SUMF1: variants seen among roughly 807,000 people sequenced by gnomAD.
The protein encoded by SUMF1 is sulfatase modifying factor 1, also known as formylglycine-generating enzyme.
In SUMF1, 48 loss-of-function variants were observed where a neutral mutation model predicts 47.6. The ratio of observed to expected loss-of-function variants is 1.01; its 90% CI spans 0.80 to 1.28. The LOEUF (loss-of-function observed/expected upper bound fraction) is 1.28, where lower values mean the gene tolerates loss of function less well. Among genes scored for constraint, SUMF1 ranks in the 50% most tolerant of loss-of-function variants. The probability of loss-of-function intolerance (pLI) is 0.00; values close to 1 mark genes in which losing one functional copy is unlikely to be tolerated. For missense variants in SUMF1, 571 were observed against 485.4 expected, an observed-to-expected ratio of 1.18 and a Z score of -1.66; for synonymous variants, 230 against 192.1, an observed-to-expected ratio of 1.20 and a Z score of -1.63.
At chr3:4,055,309 A>C (rs1032718355) in intron 9 of SUMF1, among the ~76,000 whole-genome samples, 1 of 152,170 alleles carries the variant, frequency 6.6e-6, no homozygotes, top group Admixed American at 6.6e-5. Context: ...AGTGTTTACT[A>C]TATCTCAGAT....
intron 8 of SUMF1, among the ~76,000 whole-genome samples, chr3:4,271,123 C>G (rs182454597): frequency 6.6e-6 from 1 of 152,144 alleles, no homozygotes; most frequent in South Asian, 2.1e-4. Context: ...TCAGTCTGAT[C>G]GATTGTGCTA....
At chr3:4,456,717 CATATATATACGTGTGTATATAT>C (rs1199850388) in intron 1 of SUMF1, among the ~76,000 whole-genome samples, 1 of 87,936 alleles carries the variant, frequency 1.1e-5, no homozygotes, top group Non-Finnish European at 2.2e-5. Context: ...TATATATATA[CATATATATACGTGTGTATATAT>C]ACACACATAT....
intron 9 of SUMF1, among the ~76,000 whole-genome samples, chr3:4,058,623 T>C (rs1039595589): frequency 6.6e-6 from 1 of 152,112 alleles, no homozygotes; most frequent in Non-Finnish European, 1.5e-5. Context: ...AGTAATCATA[T>C]AGGAGATGAG....
Position 4,325,555 on chromosome 3 carries a change from CTG to C in SUMF1, c.1014+50773_1014+50774del, listed in dbSNP as rs754376405. 5.3e-4 allele frequency among the ~76,000 whole-genome samples: 74 copies of C among 140,278 alleles called. No homozygotes were observed. In the Middle Eastern group the frequency reaches 0.011, roughly 21 times the overall value. The allele number at this position is 140,278 out of a possible 152,430, so 92.0% of individuals were successfully genotyped here. The stretch of plus-strand genomic sequence containing the variant: ...TGTGTGTGTGTATATATGTGTGTGT[CTG>C]TGTGTGTATATATATATATATGTAT... On this transcript the variant is annotated intron_variant and NMD_transcript_variant, in intron 8 of 12. Coordinates refer to the SUMF1 transcript ENST00000448413.
At chr3:4,069,541 A>G (rs1435651537) in intron 8 of SUMF1, among the ~76,000 whole-genome samples, 1 of 152,126 alleles carries the variant, frequency 6.6e-6, no homozygotes, top group Non-Finnish European at 1.5e-5. Context: ...CTTGCTACCT[A>G]TTTGCATACA....
intron 8 of SUMF1, among the ~76,000 whole-genome samples, chr3:4,162,821 G>A (rs373662233): frequency 1.3e-5 from 2 of 151,818 alleles, no homozygotes; most frequent in East Asian, 1.9e-4. Context: ...GCTTTTTTGT[G>A]TGGATAGTTG....
intron 8 of SUMF1, among the ~76,000 whole-genome samples, chr3:4,101,589 T>C (rs1693034114): frequency 6.6e-6 from 1 of 152,112 alleles, no homozygotes; most frequent in African/African-American, 2.4e-5. Flanking sequence ...GCACAGCAAG[T>C]CGACTACAGT....
intron 8 of SUMF1, among the ~76,000 whole-genome samples, chr3:4,098,926 A>C (rs1391444870): frequency 6.6e-6 from 1 of 152,158 alleles, no homozygotes; most frequent in Non-Finnish European, 1.5e-5. Flanking sequence ...GAGACTCATT[A>C]AGCAGATTTG....
chr3:4,334,050 C>T (rs1699099296), intron 8 of SUMF1, among the ~76,000 whole-genome samples: 1 of 151,838 alleles, frequency 6.6e-6, no homozygotes. Context: ...ATCACTTGAG[C>T]CCAGAAGAGC....
chr3:4,412,443 G>T (rs1042936300), intron 6 of SUMF1, among the ~76,000 whole-genome samples: 3 of 152,156 alleles, frequency 2.0e-5, no homozygotes, highest in Admixed American at 1.3e-4. Flanking sequence ...GAACGAAGAG[G>T]CCACAGGCAT....
At chr3:4,192,268 A>C (rs1695330802) in intron 8 of SUMF1, among the ~76,000 whole-genome samples, 1 of 152,084 alleles carries the variant, frequency 6.6e-6, no homozygotes, top group Admixed American at 6.6e-5. Flanking sequence ...TAAGGTTTAA[A>C]GTCCTAAACT....
chr3:4,462,303 G>C (rs921726761), intron 1 of SUMF1, among the ~76,000 whole-genome samples: 1 of 152,100 alleles, frequency 6.6e-6, no homozygotes, highest in Non-Finnish European at 1.5e-5. Context: ...ACTTTTGCTG[G>C]AGCTACCAGG....
At chr3:4,456,861 T>TACGTGTATATATATAC (rs1491413697) in intron 1 of SUMF1, among the ~76,000 whole-genome samples, 36 of 9,908 alleles carry the variant, frequency 3.6e-3, no homozygotes, top group East Asian at 0.03. Flanking sequence ...TGTATATATA[T>TACGTGTATATATATAC]GTGTGTGTAT....
At chr3:4,182,371 T>A (rs1695114717) in intron 8 of SUMF1, among the ~76,000 whole-genome samples, 1 of 150,054 alleles carries the variant, frequency 6.7e-6, no homozygotes, top group African/African-American at 2.4e-5. Context: ...AACTTCCAAG[T>A]TATATCTATT....
intron 7 of SUMF1, among the ~76,000 whole-genome samples, chr3:4,398,221 G>A (rs114544707): frequency 0.01 from 1,582 of 152,168 alleles, 12 homozygotes; most frequent in Admixed American, 0.018. Flanking sequence ...TTTAACATCT[G>A]CAAGCTCCTT....
At chr3:4,292,524 T>C (rs191276700) in intron 8 of SUMF1, among the ~76,000 whole-genome samples, 80 of 152,384 alleles carry the variant, frequency 5.2e-4, no homozygotes, top group Non-Finnish European at 9.3e-4. Context: ...CCTCGTGGTC[T>C]ATTCCAAAGG....
chr3:4,232,471 G>T (rs564541614), intron 8 of SUMF1, among the ~76,000 whole-genome samples: 4 of 152,180 alleles, frequency 2.6e-5, no homozygotes, highest in Admixed American at 1.3e-4. Flanking sequence ...GTGCTCTTCA[G>T]ATTCCATAGA....
intron 6 of SUMF1, among the ~76,000 whole-genome samples, chr3:4,414,158 C>T (rs1701632256): frequency 6.6e-6 from 1 of 152,180 alleles, no homozygotes; most frequent in South Asian, 2.1e-4. Context: ...AGCCACCGCA[C>T]CTGGCCCCAA....
intron 8 of SUMF1, among the ~76,000 whole-genome samples, chr3:4,294,825 G>T (rs1041738134): frequency 1.3e-5 from 2 of 152,096 alleles, no homozygotes; most frequent in Non-Finnish European, 2.9e-5. Flanking sequence ...TTCTAATGAT[G>T]AGGATTTCAG....
Sources: allele counts gnomAD v4.1 joint callset (sites outside exome capture counted in the v4.1 genomes callset), GRCh38; gene constraint gnomAD v4.1.1; transcripts MANE v1.5; gene names NCBI Gene and HGNC (gene_info 2026-07-23, HGNC 2026-07-21).